The following SH3TC2 variants were observed in gnomAD, a reference collection of about 807,000 sequenced individuals.
SH3TC2 encodes SH3 domain and tetratricopeptide repeat-containing protein 2.
SH3TC2 carries 87 observed loss-of-function variants against 124.5 expected under a neutral mutation model. The observed-to-expected ratio is 0.70, with a 90% CI of 0.59 to 0.84. SH3TC2 has a LOEUF of 0.84. SH3TC2 is among the 40% of genes least tolerant of loss of function. The probability of loss-of-function intolerance (pLI) is 0.00; values close to 1 mark genes in which losing one functional copy is unlikely to be tolerated. For synonymous variants in SH3TC2, 634 were observed against 628.5 expected, an observed-to-expected ratio of 1.01 and a Z score of -0.13; for missense variants, 1,536 against 1,566.4, an observed-to-expected ratio of 0.98 and a Z score of 0.33.
Position 149,026,718 on chromosome 5 carries a change from G to A in SH3TC2, c.2907C>T (p.Phe969=), listed in dbSNP as rs1238822178. 2 of 1,614,202 alleles carry A rather than the reference G, an allele frequency of 1.2e-6. No homozygotes were observed. The highest frequency in any genetic ancestry group is 3.3e-5 in the Admixed American group (2 of 60,024). ...QLQATKSLCH[F]YSSVSPNPEA... ...CAGGGTTTGGGGACACAGAGCTGTA[G>A]AAATGGCAGAGGGATTTGGTGGCCT... The change falls in exon 12 of 17, where the codon TTC becomes TTT. Residue 969 remains phenylalanine (F), a synonymous_variant. Transcript: ENST00000515425.
In SH3TC2 at chr5:149,039,490, G is replaced by C. The variant is rs569972425; in HGVS notation, c.806-1000C>G. On this transcript the variant is annotated intron_variant, in intron 7 of 16. Coordinates refer to ENST00000515425, the MANE Select transcript of SH3TC2 (RefSeq NM_024577.4). ...TTTAGCTTCTCTGCTAAAGCTACTA[G>C]CCTATTTTTTCTGACATTTTTGGTC... Among the ~76,000 whole-genome samples the C allele has an allele frequency of 2.0e-5, 3 of 152,234 alleles. No homozygotes were observed. The East Asian group carries it at 5.8e-4, about 29-fold the overall frequency.
chr5:149,041,047 T>G (rs1028451291), intron 6 of SH3TC2, among the ~76,000 whole-genome samples: 3 of 152,176 alleles, frequency 2.0e-5, no homozygotes, highest in African/African-American at 7.2e-5. Context: ...AACTTTAGTG[T>G]GAAAAGCATC....
chr5:149,056,495 C>G (rs972876993), intron 1 of SH3TC2, among the ~76,000 whole-genome samples: 1 of 152,106 alleles, frequency 6.6e-6, no homozygotes, highest in African/African-American at 2.4e-5. Context: ...GTTAATGGTA[C>G]ATTTTTATGA....
chr5:149,013,470 T>A (rs1753819053), intron 12 of SH3TC2, among the ~76,000 whole-genome samples: 1 of 152,184 alleles, frequency 6.6e-6, no homozygotes, highest in African/African-American at 2.4e-5. Flanking sequence ...ATTAGCAGCA[T>A]GAGAATGAAC....
rs770822729 is a variant in SH3TC2 at position 149,028,519 on chromosome 5, C to A, written c.1213G>T (p.Gly405Cys). 1 of 1,613,870 alleles carries A rather than the reference C, an allele frequency of 6.2e-7. No homozygotes were observed. Among genetic ancestry groups the A allele is most frequent in the Admixed American group, 1.7e-5 (1 of 60,026 alleles). The part of the protein sequence containing the change: ...QPEGFKEVRP[G>C]RAWEEHQAVG... ...GCCTGATGCTCCTCCCAGGCTCTGC[C>A]AGGCCTGACCTCCTTGAAACCTTCA... The change falls in exon 11 of 17, where the codon GGC becomes TGC. Residue 405 changes from glycine (G) to cysteine (C), a missense_variant. This residue lies in a region of SH3TC2 where 1,102 missense variants were observed against 1,098.6 expected (regional missense o/e 1.00). Transcript: ENST00000515425.
intron 12 of SH3TC2, among the ~76,000 whole-genome samples, chr5:149,019,260 G>A (rs558498895): frequency 6.6e-5 from 10 of 152,146 alleles, no homozygotes; most frequent in Non-Finnish European, 1.3e-4. Flanking sequence ...AGAAACACCC[G>A]TTTATCTGTG....
intron 3 of SH3TC2, chr5:149,047,035 T>C (rs575838482): frequency 2.0e-5 from 3 of 152,272 alleles, no homozygotes; most frequent in East Asian, 3.9e-4. Flanking sequence ...AACTAGAACA[T>C]ATTAGTTTAT....
Position 148,982,363 on chromosome 5 carries a change from T to C in SH3TC2, c.*22348A>G, listed in dbSNP as rs1753264398. Among the ~76,000 whole-genome samples the C allele has an allele frequency of 6.6e-6, 1 of 152,222 alleles. No homozygotes were observed. The highest frequency in any genetic ancestry group is 1.5e-5 in the Non-Finnish European group (1 of 68,038). On this transcript the variant is annotated 3_prime_UTR_variant, in exon 17 of 17. Coordinates refer to ENST00000515425, the MANE Select transcript of SH3TC2 (RefSeq NM_024577.4). ...TCAAAACAACAAATGCATATGCCCT[T>C]AGTATTCTGCTATTTCACTTTTGTG...
In SH3TC2 at chr5:149,028,824, C is replaced by T. The variant is rs10070304; in HGVS notation, c.1136-106G>A. 5.6e-4 allele frequency: 619 copies of T among 1,114,530 alleles called. 3 individuals are homozygous for T. In the African/African-American group the frequency reaches 8.3e-3, roughly 15 times the overall value. The allele number at this position is 1,114,530 out of a possible 1,614,324, so 69.0% of individuals were successfully genotyped here. A position where few individuals can be genotyped will look rare whatever the true frequency, so the allele number is the denominator to read the frequency against. ...GTGGCCTCTTAGGAGCCTTGGCATT[C>T]AAGACCTTCAGTCATCATTAAGGAA... On this transcript the variant is annotated intron_variant, in intron 9 of 16. Transcript: ENST00000515425.
Position 148,992,430 on chromosome 5 carries a change from T to C in SH3TC2, c.*12281A>G, listed in dbSNP as rs1753433576. 6.6e-6 allele frequency among the ~76,000 whole-genome samples: 1 copy of C among 152,136 alleles called. No homozygotes were observed. Among genetic ancestry groups the C allele is most frequent in the South Asian group, 2.1e-4 (1 of 4,824 alleles). ...TCTCAGGCATCACCTGGAGGATACA[T>C]ATATAACACCTACCTAAGCCCTAGC... On this transcript the variant is annotated 3_prime_UTR_variant, in exon 17 of 17. Transcript: ENST00000515425.
At chr5:149,009,074 C>G in intron 14 of SH3TC2, 73 bp from the exon 15 acceptor site, 2 of 1,594,442 alleles carry the variant, frequency 1.3e-6, no homozygotes, top group South Asian at 2.2e-5. Flanking sequence ...GGAGACTTAT[C>G]TTCTACAGGC....
In SH3TC2 at chr5:149,028,657, T is replaced by A; in HGVS notation, c.1177+20A>T. On this transcript the variant is annotated intron_variant, in intron 10 of 16. Transcript: ENST00000515425. ...CTGTCCTCAAGGATGAATGTCAGGT[T>A]CAGCATGATCGCTACTCACCACTCA... The A allele has an allele frequency of 6.2e-7, 1 of 1,614,180 alleles. No homozygotes were observed.
intron 12 of SH3TC2, among the ~76,000 whole-genome samples, chr5:149,017,377 T>G (rs1219546929): frequency 6.6e-6 from 1 of 152,060 alleles, no homozygotes; most frequent in Admixed American, 6.6e-5. Flanking sequence ...CTGCAAACCT[T>G]TATCAAACTA....
chr5:149,022,933 G>T (rs1476000372), intron 12 of SH3TC2, among the ~76,000 whole-genome samples: 1 of 152,164 alleles, frequency 6.6e-6, no homozygotes, highest in Non-Finnish European at 1.5e-5. Context: ...TCTTTCAGGG[G>T]CCATGAAAAT....
chr5:149,031,828 C>T (rs1385441253), intron 8 of SH3TC2, 141 bp from the exon 9 acceptor site: 1 of 1,081,432 alleles, frequency 9.2e-7, no homozygotes, highest in East Asian at 2.5e-5. Flanking sequence ...GATTCCTCAT[C>T]TCACCATTGC....
intron 12 of SH3TC2, among the ~76,000 whole-genome samples, chr5:149,020,534 T>A (rs561477264): frequency 2.0e-5 from 3 of 152,260 alleles, no homozygotes; most frequent in Non-Finnish European, 4.4e-5. Flanking sequence ...AAGACAAACA[T>A]TGAAGAATGG....
At chr5:149,058,783 G>A (rs1754696296) in intron 1 of SH3TC2, among the ~76,000 whole-genome samples, 1 of 152,138 alleles carries the variant, frequency 6.6e-6, no homozygotes, top group African/African-American at 2.4e-5. Flanking sequence ...AGATGGCAGA[G>A]CACTTTAAGG....
intron 12 of SH3TC2, among the ~76,000 whole-genome samples, chr5:149,019,188 C>T (rs1182321957): frequency 6.6e-6 from 1 of 152,154 alleles, no homozygotes; most frequent in African/African-American, 2.4e-5. Context: ...TACAGCTTTC[C>T]CCTTTTTACT....
intron 12 of SH3TC2, among the ~76,000 whole-genome samples, chr5:149,018,579 T>C (rs932823138): frequency 5.9e-5 from 9 of 152,040 alleles, no homozygotes; most frequent in Non-Finnish European, 1.2e-4. Context: ...TTCACTACCA[T>C]GAGAAGAGTA....
Sources: gnomAD v4.1 joint callset for allele counts (sites outside exome capture counted in the v4.1 genomes callset) on GRCh38, gnomAD v4.1.1 for gene constraint, gnomAD v4.1.1 regional missense constraint, MANE v1.5 for transcripts, NCBI Gene and HGNC (gene_info 2026-07-23, HGNC 2026-07-21) for gene names.